The following SLC5A5 variants were observed in gnomAD, a reference collection of about 807,000 sequenced individuals.
The protein encoded by SLC5A5 is solute carrier family 5 member 5, also known as sodium/iodide cotransporter.
Under a neutral mutation model 68.6 loss-of-function variants are expected in SLC5A5, and 56 were observed. The observed-to-expected ratio is 0.82, with a 90% confidence interval of 0.66 to 1.02. The LOEUF (loss-of-function observed/expected upper bound fraction) is 1.02. SLC5A5 is among the 50% of genes least tolerant of loss of function. The pLI, the probability that SLC5A5 is intolerant of heterozygous loss-of-function variation, is 0.00. For missense variants in SLC5A5, 807 were observed against 859.8 expected (o/e 0.94, Z 0.77); for synonymous variants, 398 against 373.0 (o/e 1.07, Z -0.77).
intron 1 of SLC5A5, among the ~76,000 whole-genome samples, chr19:17,873,790 C>T (rs974840288): frequency 3.3e-5 from 5 of 152,028 alleles, no homozygotes; most frequent in African/African-American, 9.7e-5. Context: ...CAGGTATATC[C>T]TAGGCGGCCA....
At chr19:17,888,290 G>A (rs766244257) in intron 12 of SLC5A5, 41 bp from the exon 13 acceptor site, 1 of 1,611,728 alleles carries the variant, frequency 6.2e-7, no homozygotes, top group South Asian at 1.1e-5. Flanking sequence ...GCAGGCAGGG[G>A]ATAAAAGAGG....
At chr19:17,884,081 C>G in intron 12 of SLC5A5, 35 bp downstream of exon 12, 2 of 1,500,756 alleles carry the variant, frequency 1.3e-6, no homozygotes, top group Non-Finnish European at 1.8e-6. Context: ...GTACCCGAGC[C>G]CTGGATGGTG....
intron 13 of SLC5A5, among the ~76,000 whole-genome samples, chr19:17,889,413 A>AGAAGGAAGGAAAGAAGGAAG (rs2030066674): frequency 7.3e-6 from 1 of 137,608 alleles, no homozygotes; most frequent in African/African-American, 3.1e-5. Context: ...AAAGAAAGAA[A>AGAAGGAAGGAAAGAAGGAAG]GAAGGAAGGA....
chr19:17,875,809 A>G (rs2094305555), intron 4 of SLC5A5, 143 bp from the exon 5 acceptor site: 3 of 760,870 alleles, frequency 3.9e-6, no homozygotes, highest in South Asian at 3.1e-5. Flanking sequence ...AATTCTTACA[A>G]CAACACAGTA....
chr19:17,874,621 C>T, intron 3 of SLC5A5, 43 bp from the exon 4 acceptor site: 6 of 1,612,240 alleles, frequency 3.7e-6, no homozygotes, highest in African/African-American at 1.3e-5. Context: ...ACTAAGTTTG[C>T]GCCCCGCCCA....
chr19:17,872,432 G>A lies in SLC5A5; in HGVS notation c.113G>A (p.Arg38Gln). 1 of 1,608,614 alleles carries A rather than the reference G, an allele frequency of 6.2e-7. No individual in the cohort carries two copies. Among genetic ancestry groups the A allele is most frequent in the Non-Finnish European group, 8.5e-7 (1 of 1,177,596 alleles). Reference protein sequence around the residue: ...TGIGLWVGLARGGQRSAEDFF... With the variant: ...TGIGLWVGLAQGGQRSAEDFF... ...ATCGGGCTGTGGGTCGGGCTGGCTCGGGGCGGGCAGCGCAGCGCTGAGGAC... is the reference window on the plus strand; with the variant it reads ...ATCGGGCTGTGGGTCGGGCTGGCTCAGGGCGGGCAGCGCAGCGCTGAGGAC... The change falls in exon 1 of 15, where the codon CGG becomes CAG. Residue 38 changes from arginine to glutamine, a missense_variant. By Grantham distance (43) the Arg-to-Gln change is conservative (BLOSUM62 1). Transcript: ENST00000222248.
intron 12 of SLC5A5, among the ~76,000 whole-genome samples, chr19:17,888,064 C>T (rs993431097): frequency 6.6e-6 from 1 of 152,114 alleles, no homozygotes; most frequent in African/African-American, 2.4e-5. Flanking sequence ...GACAGGGAGC[C>T]ACAGAGGGTG....
intron 13 of SLC5A5, 24 bp from the exon 14 acceptor site, chr19:17,890,862 T>G: frequency 6.5e-7 from 1 of 1,536,008 alleles, no homozygotes; most frequent in Non-Finnish European, 9.0e-7. Context: ...TGCCTGGATT[T>G]CTCCATTTCT....
chr19:17,875,419 C>T (rs1214090702), intron 4 of SLC5A5, among the ~76,000 whole-genome samples: 1 of 151,668 alleles, frequency 6.6e-6, no homozygotes, highest in Non-Finnish European at 1.5e-5. Context: ...CAATCACTCA[C>T]TGACACTCGT....
intron 1 of SLC5A5, among the ~76,000 whole-genome samples, chr19:17,873,038 G>A (rs1321437139): frequency 6.6e-6 from 1 of 152,198 alleles, no homozygotes; most frequent in African/African-American, 2.4e-5. Context: ...GACGGCTCCG[G>A]GGTTCGAAAC....
Position 17,872,761 on chromosome 19 carries a change from G to T in SLC5A5, c.357+85G>T. The T allele has an allele frequency of 2.2e-6, 2 of 891,996 alleles. 1 individual carries two copies. Among genetic ancestry groups the T allele is most frequent in the Non-Finnish European group, 3.7e-6 (2 of 543,228 alleles). 55.3% of individuals were successfully genotyped at this position (891,996 alleles called of 1,614,324 possible). A position where few individuals can be genotyped will look rare whatever the true frequency, so the allele number is the denominator to read the frequency against. ...GGGGGAGGCGCTGGGGCTTTGGGCC[G>T]CTGTACAGGAGGACGCGGATGGCAC... On this transcript the variant is annotated intron_variant, in intron 1 of 14. Coordinates refer to ENST00000222248, the MANE Select transcript of SLC5A5 (RefSeq NM_000453.3).
rs1473025012 is a variant in SLC5A5, at chr19:17,894,141, CTCTTTTTTTTT to C, written c.*266_*276del. On this transcript the variant is annotated 3_prime_UTR_variant, in exon 15 of 15. Coordinates refer to ENST00000222248, the MANE Select transcript of SLC5A5 (RefSeq NM_000453.3). The stretch of plus-strand genomic sequence containing the variant: ...CAAATAAGGCTGGGTTTTTCTCTCT[CTCTTTTTTTTT>C]TTTTTTTTTTTTTGAGACAGGGTCA... The C allele has an allele frequency of 8.4e-5, 32 of 381,572 alleles. No homozygotes were observed. The highest frequency in any genetic ancestry group is 1.2e-4 in the Non-Finnish European group (25 of 211,336). The allele number at this position is 381,572 out of a possible 1,614,324, so 23.6% of individuals were successfully genotyped here.
Position 17,883,941 on chromosome 19 carries a change from G to T in SLC5A5, c.1421G>T (p.Arg474Met). ...TACCCACCCAGCGAGCAGACCATGA[G>T]GGTCCTGCCATCGTCGGCTGCCCGC... ...TLYPPSEQTM[R>M]VLPSSAARCV... The change falls in exon 12 of 15, where the codon AGG (arginine) becomes ATG (methionine). Residue 474 changes from arginine (R) to methionine (M), a missense_variant. Coordinates refer to ENST00000222248, the MANE Select transcript of SLC5A5 (RefSeq NM_000453.3). 1.3e-6 allele frequency: 2 copies of T among 1,563,728 alleles called. No individual in the cohort carries two copies. The highest frequency in any genetic ancestry group is 2.4e-5 in the East Asian group (1 of 41,990).
At chr19:17,882,258 G>C in intron 10 of SLC5A5, 39 bp downstream of exon 10, 1 of 1,533,620 alleles carries the variant, frequency 6.5e-7, no homozygotes, top group South Asian at 1.1e-5. Context: ...TCTCCTGAGA[G>C]GTGGGGGCAC....
In SLC5A5 at chr19:17,883,809, G is replaced by T. The variant is rs895588807; in HGVS notation, c.1330-41G>T. 1.4e-5 allele frequency: 23 copies of T among 1,606,550 alleles called. 1 individual carries two copies. The highest frequency in any genetic ancestry group is 1.3e-5 in the African/African-American group (1 of 74,710). ...CAAGGGGCGGGGAGGGGCGGGGCCG[G>T]ACAGGCCCCTCCCCTTCCCTGACGC... On this transcript the variant is annotated intron_variant, in intron 11 of 14. Transcript: ENST00000222248.
chr19:17,879,416 G>A (rs2094315520), intron 7 of SLC5A5, among the ~76,000 whole-genome samples: 2 of 152,204 alleles, frequency 1.3e-5, no homozygotes, highest in South Asian at 4.1e-4. Context: ...TGTCCCAAGC[G>A]TCCACTCTGT....
At chr19:17,880,837 TG>T in intron 7 of SLC5A5, 27 bp from the exon 8 acceptor site, 1 of 1,567,642 alleles carries the variant, frequency 6.4e-7, no homozygotes, top group Non-Finnish European at 8.8e-7. Flanking sequence ...TGCAGCTGTC[TG>T]GGAGGCTGAC....
chr19:17,885,158 C>T (rs2094330510), intron 12 of SLC5A5, among the ~76,000 whole-genome samples: 3 of 151,576 alleles, frequency 2.0e-5, no homozygotes, highest in East Asian at 3.9e-4. Context: ...AGGTGCACAC[C>T]ATCATGTCCT....
chr19:17,874,921 G>A (rs1259836792), intron 4 of SLC5A5, among the ~76,000 whole-genome samples, 190 bp downstream of exon 4: 1 of 152,116 alleles, frequency 6.6e-6, no homozygotes, highest in Non-Finnish European at 1.5e-5. Flanking sequence ...GTAGCTTCAG[G>A]CATGGCTGGA....
Sources: allele counts gnomAD v4.1 joint callset (sites outside exome capture counted in the v4.1 genomes callset), GRCh38; gene constraint gnomAD v4.1.1; transcripts MANE v1.5; gene names NCBI Gene and HGNC (gene_info 2026-07-23, HGNC 2026-07-21).